Variants in GRAMD4 observed in about 807,000 individuals in gnomAD.
The protein encoded by GRAMD4 is GRAM domain-containing protein 4.
GRAMD4 carries 25 observed loss-of-function variants against 83.9 expected under a neutral mutation model. The observed-to-expected ratio is 0.30, with a 90% CI of 0.22 to 0.42. The LOEUF (loss-of-function observed/expected upper bound fraction) is 0.42. GRAMD4 is among the 10% of genes least tolerant of loss of function. The pLI is 1.00. For missense variants in GRAMD4, 593 were observed against 788.7 expected (o/e 0.75, Z 2.97); for synonymous variants, 336 against 320.9 (o/e 1.05, Z -0.50).
At chr22:46,643,543 A>G (rs2082022236) in intron 3 of GRAMD4, among the ~76,000 whole-genome samples, 1 of 152,224 alleles carries the variant, frequency 6.6e-6, no homozygotes, top group African/African-American at 2.4e-5. Flanking sequence ...CTGGTCTGAG[A>G]TCTTATTCCA....
intron 1 of GRAMD4, among the ~76,000 whole-genome samples, chr22:46,585,735 G>C (rs560903742): frequency 6.6e-6 from 1 of 152,220 alleles, no homozygotes; most frequent in Admixed American, 6.5e-5. Context: ...TCTATGGGAT[G>C]GGGAAGGGCC....
intron 1 of GRAMD4, among the ~76,000 whole-genome samples, chr22:46,597,689 C>A (rs533491261): frequency 6.6e-6 from 1 of 152,200 alleles, no homozygotes; most frequent in African/African-American, 2.4e-5. Context: ...CGGGGTTTCA[C>A]CGTGTTAGCC....
At chr22:46,652,961 C>T (rs564135955) in intron 3 of GRAMD4, among the ~76,000 whole-genome samples, 2 of 152,258 alleles carry the variant, frequency 1.3e-5, no homozygotes, top group Admixed American at 6.5e-5. Context: ...CAGGCCGGTG[C>T]GATGGAGTCG....
At chr22:46,642,696 TAC>T (rs1001100918) in intron 3 of GRAMD4, among the ~76,000 whole-genome samples, 8 of 152,236 alleles carry the variant, frequency 5.3e-5, no homozygotes, top group Non-Finnish European at 4.4e-5. Context: ...ATCAAGTCAG[TAC>T]AGAGTTGGGT....
chr22:46,643,141 T>TCCGTGGATCCATCTA (rs2082005534), intron 3 of GRAMD4, among the ~76,000 whole-genome samples: 2 of 4,524 alleles, frequency 4.4e-4, no homozygotes, highest in East Asian at 6.8e-3. Context: ...CCATGCATCC[T>TCCGTGGATCCATCTA]TCCATCCATC....
At chr22:46,595,877 C>G (rs778966972) in intron 1 of GRAMD4, among the ~76,000 whole-genome samples, 6 of 152,212 alleles carry the variant, frequency 3.9e-5, no homozygotes, top group Non-Finnish European at 7.3e-5. Context: ...TGTACCCTGG[C>G]CACCTTCCCA....
At position 46,659,049 on chromosome 22, in the gene GRAMD4, G is replaced by A. The variant is rs573276796; in HGVS notation, c.404+742G>A. Among the ~76,000 whole-genome samples, 39 of 152,238 alleles carry A rather than the reference G, an allele frequency of 2.6e-4. No homozygotes were observed. The South Asian group carries it at 5.0e-3, about 19-fold the overall frequency. On this transcript the variant is annotated intron_variant, in intron 4 of 18. Transcript: ENST00000406902. This position sits in a 1 kb window ranked among gnomAD's most constrained non-coding sequence, Gnocchi z 4.1. ...TGCCCTCCTGTCTCGCTAACACCAC[G>A]AGGCTCCGTGTCCCTCTGCACAAGT...
intron 3 of GRAMD4, among the ~76,000 whole-genome samples, chr22:46,642,374 TGAG>T (rs1030661549): frequency 2.7e-4 from 41 of 152,356 alleles, no homozygotes; most frequent in African/African-American, 7.0e-4. Context: ...GGCTTGGGCC[TGAG>T]GAGTTCATAC....
intron 1 of GRAMD4, among the ~76,000 whole-genome samples, chr22:46,588,360 G>A (rs1306632640): frequency 6.6e-6 from 1 of 152,220 alleles, no homozygotes; most frequent in East Asian, 1.9e-4. Context: ...CCTCCAGGCA[G>A]CACCACGCAA....
At chr22:46,624,301 C>A (rs2081621037) in intron 1 of GRAMD4, among the ~76,000 whole-genome samples, 1 of 126,096 alleles carries the variant, frequency 7.9e-6, no homozygotes, top group African/African-American at 3.0e-5. Context: ...CTAGGGATTT[C>A]ATAGCTACTA....
At chr22:46,603,849 G>A (rs1218287300) in intron 1 of GRAMD4, among the ~76,000 whole-genome samples, 2 of 152,050 alleles carry the variant, frequency 1.3e-5, no homozygotes, top group South Asian at 2.1e-4. Flanking sequence ...TCCTCATCTC[G>A]CTGTGACAGA....
rs1569254347 is a variant in GRAMD4, at chr22:46,603,513, C to CTTTTTTTT, written c.-49-23237_-49-23236insTTTTTTTT. 7.6e-3 allele frequency among the ~76,000 whole-genome samples: 807 copies of CTTTTTTTT among 105,904 alleles called. 162 individuals are homozygous for CTTTTTTTT. Among genetic ancestry groups the CTTTTTTTT allele is most frequent in the Non-Finnish European group, 9.3e-3 (503 of 53,942 alleles). 69.5% of individuals were successfully genotyped at this position (105,904 alleles called of 152,430 possible). On this transcript the variant is annotated intron_variant, in intron 1 of 1. Coordinates refer to the GRAMD4 transcript ENST00000431155. ...CATGAGCCACCGCGCCCGGCCTCTT[C>CTTTTTTTT]TCTTTTTTTTTTTTTTTTTTTGAGA...
At chr22:46,577,397 C>A in intron 1 of GRAMD4, 1 of 275,446 alleles carries the variant, frequency 3.6e-6, no homozygotes, top group Non-Finnish European at 4.0e-6. Flanking sequence ...CGCGCTCTCC[C>A]CGCCGCCGCC....
chr22:46,648,951 G>GATGGATGGATGGATGC (rs2082125217), intron 3 of GRAMD4, among the ~76,000 whole-genome samples: 4 of 86,892 alleles, frequency 4.6e-5, no homozygotes, highest in Middle Eastern at 7.0e-3. Flanking sequence ...TGGATGGATG[G>GATGGATGGATGGATGC]ATGGATGGAT....
At position 46,679,726 on chromosome 22, in the gene GRAMD4, G is replaced by A; in HGVS notation, c.*2475G>A. On this transcript the variant is annotated 3_prime_UTR_variant, in exon 19 of 19. Coordinates refer to ENST00000406902, the MANE Select transcript of GRAMD4 (RefSeq NM_015124.5). ...TTTAAGAAAACTTTGTTTGTTTAAA[G>A]AAAAAGTATTGTATAAATTATAATT... The A allele has an allele frequency of 1.0e-6, 1 of 967,072 alleles. No individual in the cohort carries two copies. Among genetic ancestry groups the A allele is most frequent in the Non-Finnish European group, 1.2e-6 (1 of 813,064 alleles). 59.9% of individuals were successfully genotyped at this position (967,072 alleles called of 1,614,324 possible).
chr22:46,612,316 G>GTTGTTA (rs2081426015), intron 1 of GRAMD4, among the ~76,000 whole-genome samples: 1 of 152,144 alleles, frequency 6.6e-6, no homozygotes, highest in Admixed American at 6.5e-5. Context: ...CGATGGTACT[G>GTTGTTA]TTGTTATTGT....
chr22:46,678,763 G>A lies in GRAMD4; in HGVS notation c.*1512G>A, dbSNP rs1035668052. ...ATTTGCTGGTGTGGGTGAGGGATCCGGCGGCATGGGCTGGTTTCACCCCCT... is the reference window on the plus strand; with the variant it reads ...ATTTGCTGGTGTGGGTGAGGGATCCAGCGGCATGGGCTGGTTTCACCCCCT... On this transcript the variant is annotated 3_prime_UTR_variant, in exon 19 of 19. Coordinates refer to ENST00000406902, the MANE Select transcript of GRAMD4 (RefSeq NM_015124.5). 9.1e-6 allele frequency: 9 copies of A among 985,830 alleles called. No homozygotes were observed. Among genetic ancestry groups the A allele is most frequent in the South Asian group, 9.4e-5 (2 of 21,294 alleles). The allele number at this position is 985,830 out of a possible 1,614,324, so 61.1% of individuals were successfully genotyped here. A position where few individuals can be genotyped will look rare whatever the true frequency, so the allele number is the denominator to read the frequency against.
chr22:46,680,662 T>TCCATC (rs1569313605), downstream of GRAMD4, among the ~76,000 whole-genome samples: 65 of 7,774 alleles, frequency 8.4e-3, no homozygotes, highest in Non-Finnish European at 9.5e-3. Flanking sequence ...ACCTACCCAC[T>TCCATC]CATCCATCAA....
intron 4 of GRAMD4, among the ~76,000 whole-genome samples, chr22:46,660,382 C>G (rs2147338056): frequency 6.6e-6 from 1 of 152,160 alleles, no homozygotes; most frequent in Admixed American, 6.5e-5. Context: ...GGCAGAGTGA[C>G]CTCCTCTTTC....
Sources: gnomAD v4.1 joint callset for allele counts (sites outside exome capture counted in the v4.1 genomes callset) on GRCh38, gnomAD v4.1.1 for gene constraint, Gnocchi (gnomAD v3.1) non-coding constraint, MANE v1.5 for transcripts, NCBI Gene and HGNC (gene_info 2026-07-23, HGNC 2026-07-21) for gene names.